Variants in CNTN5 observed in about 807,000 individuals in gnomAD.
CNTN5 encodes the protein contactin-5.
CNTN5 carries 77 observed loss-of-function variants against 129.1 expected under a neutral mutation model. The observed-to-expected ratio is 0.60, with a 90% CI of 0.50 to 0.72. The LOEUF (loss-of-function observed/expected upper bound fraction) is 0.72, where lower values mean the gene tolerates loss of function less well. Among genes scored for constraint, CNTN5 ranks in the 30% least tolerant of loss-of-function variants. CNTN5 has a pLI of 0.00. For synonymous variants in CNTN5, 509 were observed against 465.6 expected, an observed-to-expected ratio of 1.09 and a Z score of -1.20; for missense variants, 1,478 against 1,328.8, an observed-to-expected ratio of 1.11 and a Z score of -1.75.
chr11:100,323,542 T>C (rs1476199987), intron 21 of CNTN5, among the ~76,000 whole-genome samples: 5 of 152,170 alleles, frequency 3.3e-5, no homozygotes, highest in Admixed American at 3.3e-4. Flanking sequence ...TCGGGGTTTG[T>C]ATAATCATTT....
At chr11:99,750,155 T>A (rs1420771539) in intron 3 of CNTN5, among the ~76,000 whole-genome samples, 1 of 152,202 alleles carries the variant, frequency 6.6e-6, no homozygotes, top group Non-Finnish European at 1.5e-5. Flanking sequence ...TCTTTTTAAA[T>A]TTTTGAGGAA....
intron 3 of CNTN5, among the ~76,000 whole-genome samples, chr11:99,738,120 C>A (rs1219794124): frequency 2.0e-5 from 3 of 152,186 alleles, no homozygotes; most frequent in Admixed American, 2.0e-4. Flanking sequence ...ATTATGCCTC[C>A]CGACTTCAAA....
intron 13 of CNTN5, among the ~76,000 whole-genome samples, chr11:100,189,517 A>C (rs564500067): frequency 1.3e-5 from 2 of 152,302 alleles, no homozygotes; most frequent in South Asian, 4.1e-4. Flanking sequence ...CACCCAAGTC[A>C]GTAAAATCCA....
At chr11:99,967,838 A>G (rs1453579) in intron 8 of CNTN5, among the ~76,000 whole-genome samples, 1 of 151,828 alleles carries the variant, frequency 6.6e-6, no homozygotes, top group Non-Finnish European at 1.5e-5. Flanking sequence ...TCATTTTTCC[A>G]CTCATTTGAG....
At chr11:99,808,698 C>A (rs543651473) in intron 3 of CNTN5, among the ~76,000 whole-genome samples, 1 of 152,128 alleles carries the variant, frequency 6.6e-6, no homozygotes, top group Non-Finnish European at 1.5e-5. Context: ...AACATATTTC[C>A]AATATCCATA....
At chr11:99,159,279 A>T (rs1435438405) in intron 1 of CNTN5, among the ~76,000 whole-genome samples, 1 of 152,168 alleles carries the variant, frequency 6.6e-6, no homozygotes, top group Non-Finnish European at 1.5e-5. Flanking sequence ...TTTATTACAC[A>T]TTTTATCAAT....
chr11:99,303,956 A>T (rs749790542), intron 1 of CNTN5, among the ~76,000 whole-genome samples: 1 of 152,252 alleles, frequency 6.6e-6, no homozygotes, highest in African/African-American at 2.4e-5. Flanking sequence ...TCTCCTCAGC[A>T]TGGCCTTCAT....
intron 13 of CNTN5, among the ~76,000 whole-genome samples, chr11:100,126,146 T>C (rs1946176764): frequency 6.6e-6 from 1 of 152,176 alleles, no homozygotes; most frequent in South Asian, 2.1e-4. Context: ...TACAGTTGTA[T>C]TCCACTGTGA....
At chr11:99,699,722 A>G (rs1410321575) in intron 3 of CNTN5, among the ~76,000 whole-genome samples, 1 of 151,468 alleles carries the variant, frequency 6.6e-6, no homozygotes, top group Non-Finnish European at 1.5e-5. Context: ...GAAGAGCTTT[A>G]AACACCTCAC....
intron 2 of CNTN5, among the ~76,000 whole-genome samples, chr11:99,346,045 A>C (rs1246947148): frequency 6.6e-6 from 1 of 152,226 alleles, no homozygotes; most frequent in Non-Finnish European, 1.5e-5. Flanking sequence ...AATACTTTTT[A>C]AAGCTTGTGT....
intron 1 of CNTN5, among the ~76,000 whole-genome samples, chr11:99,204,885 C>G (rs988436791): frequency 5.9e-5 from 9 of 152,090 alleles, no homozygotes; most frequent in Admixed American, 2.0e-4. Flanking sequence ...GCATTTTAAG[C>G]TTATTGTGCT....
intron 3 of CNTN5, among the ~76,000 whole-genome samples, chr11:99,651,771 A>G (rs999255179): frequency 6.6e-5 from 10 of 152,042 alleles, no homozygotes; most frequent in Non-Finnish European, 1.5e-4. Context: ...TTTCTTTAAC[A>G]TGAAAATCAA....
intron 8 of CNTN5, among the ~76,000 whole-genome samples, chr11:99,978,453 C>T (rs974790914): frequency 6.6e-6 from 1 of 152,144 alleles, no homozygotes; most frequent in African/African-American, 2.4e-5. Flanking sequence ...ACTGGCTCAC[C>T]CAGAGCAACG....
rs563288854 is a variant in CNTN5 at position 100,140,638 on chromosome 11, C to T, written c.1581-50488C>T. Among the ~76,000 whole-genome samples the T allele has an allele frequency of 7.9e-5, 12 of 151,926 alleles. 1 individual carries two copies. Among genetic ancestry groups the T allele is most frequent in the African/African-American group, 1.4e-4 (6 of 41,410 alleles). On this transcript the variant is annotated intron_variant, in intron 13 of 24. Coordinates refer to ENST00000524871, the MANE Select transcript of CNTN5 (RefSeq NM_014361.4). ...AGGCCTGACCAGAGGCGTGAAGAGC[C>T]GAGATGAGTTAGAGGACAGAGGAGG...
intron 1 of CNTN5, among the ~76,000 whole-genome samples, chr11:99,315,192 A>G (rs1591511215): frequency 6.7e-6 from 1 of 149,464 alleles, no homozygotes; most frequent in East Asian, 2.0e-4. Flanking sequence ...TAAATAGTTC[A>G]CTGAGCATAA....
intron 7 of CNTN5, among the ~76,000 whole-genome samples, chr11:99,948,082 A>T (rs1950591871): frequency 6.6e-6 from 1 of 152,206 alleles, no homozygotes; most frequent in South Asian, 2.1e-4. Context: ...TTCATTTGGA[A>T]TACTGTCCAA....
chr11:99,958,540 G>A (rs1407482094), intron 8 of CNTN5, among the ~76,000 whole-genome samples: 1 of 152,166 alleles, frequency 6.6e-6, no homozygotes, highest in African/African-American at 2.4e-5. Context: ...ATACCCATAA[G>A]AGAGAGCTGG....
intron 1 of CNTN5, among the ~76,000 whole-genome samples, chr11:99,201,156 C>A (rs1472906147): frequency 6.6e-6 from 1 of 150,556 alleles, no homozygotes; most frequent in Non-Finnish European, 1.5e-5. Flanking sequence ...TCCTGAGTAG[C>A]TGGGACTACA....
chr11:99,429,413 T>C (rs185971557), intron 2 of CNTN5, among the ~76,000 whole-genome samples: 2 of 152,248 alleles, frequency 1.3e-5, no homozygotes, highest in Non-Finnish European at 2.9e-5. Flanking sequence ...GATAATCTAC[T>C]TCATTACCCT....
Sources: allele counts gnomAD v4.1 joint callset (sites outside exome capture counted in the v4.1 genomes callset), GRCh38; gene constraint gnomAD v4.1.1; transcripts MANE v1.5; gene names NCBI Gene and HGNC (gene_info 2026-07-23, HGNC 2026-07-21).